Variants in KCNQ1 observed in about 807,000 individuals in gnomAD.
The protein encoded by KCNQ1 is potassium voltage-gated channel subfamily KQT member 1.
In KCNQ1, 49 loss-of-function variants were observed where a neutral mutation model predicts 72.4. The observed-to-expected ratio is 0.68, with a 90% CI of 0.54 to 0.86. KCNQ1 has a LOEUF of 0.86. KCNQ1 is among the 40% of genes least tolerant of loss of function. The pLI, the probability that KCNQ1 is intolerant of heterozygous loss-of-function variation, is 0.00. For synonymous variants in KCNQ1, 450 were observed against 412.6 expected, an observed-to-expected ratio of 1.09 and a Z score of -1.10; for missense variants, 790 against 945.1, an observed-to-expected ratio of 0.84 and a Z score of 2.15.
At chr11:2,594,823 T>C (rs10400286) in intron 10 of KCNQ1, among the ~76,000 whole-genome samples, 4,132 of 152,338 alleles carry the variant, frequency 0.027, 189 homozygotes, top group African/African-American at 0.091. Flanking sequence ...TTTTGTACCC[T>C]CTATCCTGTC....
intron 15 of KCNQ1, among the ~76,000 whole-genome samples, chr11:2,825,128 C>T (rs1479340721): frequency 1.3e-5 from 2 of 152,220 alleles, no homozygotes; most frequent in Admixed American, 6.5e-5. Flanking sequence ...GACAGGGTCA[C>T]GGTGGAAAGA....
At chr11:2,777,111 C>T (rs192106291) in intron 14 of KCNQ1, 79 bp downstream of exon 14, 25 of 1,419,770 alleles carry the variant, frequency 1.8e-5, no homozygotes, top group Middle Eastern at 1.7e-4. Context: ...TGGCTCTCCC[C>T]ATGATGTCAG....
chr11:2,797,182 C>T (rs921778727), intron 15 of KCNQ1, among the ~76,000 whole-genome samples: 2 of 152,114 alleles, frequency 1.3e-5, no homozygotes, highest in African/African-American at 4.8e-5. Flanking sequence ...GGGGGGGAGG[C>T]CCTGTGAAGA....
rs1850346601 is a variant in KCNQ1 at position 2,679,291 on chromosome 11, A to G, written c.1514+17210A>G. 1 of 398,532 alleles carries G rather than the reference A, an allele frequency of 2.5e-6. No individual in the cohort carries two copies. The highest frequency in any genetic ancestry group is 2.1e-5 in the African/African-American group (1 of 48,632). 24.7% of individuals were successfully genotyped at this position (398,532 alleles called of 1,614,324 possible). A position where few individuals can be genotyped will look rare whatever the true frequency, so the allele number is the denominator to read the frequency against. On this transcript the variant is annotated intron_variant, in intron 11 of 15. Transcript: ENST00000155840. The surrounding 1 kb of genome is among the most constrained non-coding windows in gnomAD (Gnocchi z 4.8). Reference sequence around the variant, plus strand: ...CCTTTACTAATCCATAGCCAAAGACAGGGGCTAATAACAGGGTCTGGAGTC... The same window carrying G: ...CCTTTACTAATCCATAGCCAAAGACGGGGGCTAATAACAGGGTCTGGAGTC...
In KCNQ1 at chr11:2,611,432, G is replaced by C; in HGVS notation, c.1393+22578G>C. 2 of 397,710 alleles carry C rather than the reference G, an allele frequency of 5.0e-6. No individual in the cohort carries two copies. Among genetic ancestry groups the C allele is most frequent in the Non-Finnish European group, 8.8e-6 (2 of 226,042 alleles). 24.6% of individuals were successfully genotyped at this position (397,710 alleles called of 1,614,324 possible). ...TCACCATGTTGACCAGGCTGGTCTTGAACTCCTGACCTCGAGTGATCTGTC... is the reference window on the plus strand; with the variant it reads ...TCACCATGTTGACCAGGCTGGTCTTCAACTCCTGACCTCGAGTGATCTGTC... On this transcript the variant is annotated intron_variant, in intron 10 of 15. Coordinates refer to ENST00000155840, the MANE Select transcript of KCNQ1 (RefSeq NM_000218.3). The surrounding 1 kb of genome is among the most constrained non-coding windows in gnomAD (Gnocchi z 5.3).
In KCNQ1 at chr11:2,813,745, G is replaced by A. The variant is rs958957793; in HGVS notation, c.1795-34022G>A. Among the ~76,000 whole-genome samples, 1 of 152,154 alleles carries A rather than the reference G, an allele frequency of 6.6e-6. No individual in the cohort carries two copies. The highest frequency in any genetic ancestry group is 2.4e-5 in the African/African-American group (1 of 41,446). ...TCTTGTTGCCGCAAGATACACAGGAGGCAGCTGCTCACTGCTTGTGGAAAG... is the reference window on the plus strand; with the variant it reads ...TCTTGTTGCCGCAAGATACACAGGAAGCAGCTGCTCACTGCTTGTGGAAAG... On this transcript the variant is annotated intron_variant, in intron 15 of 15. Coordinates refer to ENST00000155840, the MANE Select transcript of KCNQ1 (RefSeq NM_000218.3). This position sits in a 1 kb window ranked among gnomAD's most constrained non-coding sequence, Gnocchi z 4.4.
chr11:2,663,319 G>A lies in KCNQ1; in HGVS notation c.1514+1238G>A. ...GGGCCCCTCCTGGCTGGGTAAAAAGGCAGGAGCAGAGGTGTGAGCAGGCTG... is the reference window on the plus strand; with the variant it reads ...GGGCCCCTCCTGGCTGGGTAAAAAGACAGGAGCAGAGGTGTGAGCAGGCTG... On this transcript the variant is annotated intron_variant, in intron 11 of 15. Transcript: ENST00000155840. The surrounding 1 kb of genome is among the most constrained non-coding windows in gnomAD (Gnocchi z 5.2). 1 of 398,792 alleles carries A rather than the reference G, an allele frequency of 2.5e-6. No homozygotes were observed. The highest frequency in any genetic ancestry group is 4.4e-6 in the Non-Finnish European group (1 of 226,194). 24.7% of individuals were successfully genotyped at this position (398,792 alleles called of 1,614,324 possible). A position where few individuals can be genotyped will look rare whatever the true frequency, so the allele number is the denominator to read the frequency against.
rs1846520669 is a variant in KCNQ1, at chr11:2,767,499, C to T, written c.1515-1345C>T. ...CCACACCTTTAGATCTGTATGATCT[C>T]TCTTTTCCCTTGCCTTTTAGTCTTT... On this transcript the variant is annotated intron_variant, in intron 11 of 15. Coordinates refer to ENST00000155840, the MANE Select transcript of KCNQ1 (RefSeq NM_000218.3). The surrounding 1 kb of genome is among the most constrained non-coding windows in gnomAD (Gnocchi z 4.6). Among the ~76,000 whole-genome samples the T allele has an allele frequency of 6.6e-6, 1 of 152,202 alleles. No homozygotes were observed. Among genetic ancestry groups the T allele is most frequent in the Non-Finnish European group, 1.5e-5 (1 of 68,042 alleles).
chr11:2,622,688 TTGTC>T, intron 10 of KCNQ1: 1 of 398,660 alleles, frequency 2.5e-6, no homozygotes, highest in East Asian at 3.6e-5. Flanking sequence ...CTCTATTCGA[TTGTC>T]TGTATGTGTG....
chr11:2,774,941 C>T (rs1165588614), intron 12 of KCNQ1, among the ~76,000 whole-genome samples: 1 of 152,198 alleles, frequency 6.6e-6, no homozygotes, highest in African/African-American at 2.4e-5. Flanking sequence ...CCACCCCTCC[C>T]CACCAAGCCG....
At chr11:2,692,113 AT>A (rs763015067) in intron 11 of KCNQ1, 20 of 398,460 alleles carry the variant, frequency 5.0e-5, no homozygotes, top group Non-Finnish European at 8.4e-5. Context: ...AGCCTCCATC[AT>A]TTTATAGCCC....
At chr11:2,589,399 G>C (rs1385563501) in intron 10 of KCNQ1, among the ~76,000 whole-genome samples, 1 of 152,228 alleles carries the variant, frequency 6.6e-6, no homozygotes, top group African/African-American at 2.4e-5. Flanking sequence ...CCTGCAGCGG[G>C]GGCTGGGATG....
intron 6 of KCNQ1, among the ~76,000 whole-genome samples, chr11:2,582,148 G>A (rs1023966372): frequency 1.2e-4 from 19 of 152,316 alleles, no homozygotes; most frequent in Admixed American, 5.9e-4. Context: ...CAATGTGGCC[G>A]CTTCTGCTAC....
rs1395105650 is a variant in KCNQ1, at chr11:2,617,079, G to A, written c.1393+28225G>A. ...TCATCTCACAGTTATTCTTTTGTGT[G>A]TATGAGTGAGAAAAGCTATGATCTA... On this transcript the variant is annotated intron_variant, in intron 10 of 15. Coordinates refer to ENST00000155840, the MANE Select transcript of KCNQ1 (RefSeq NM_000218.3). The surrounding 1 kb of genome is among the most constrained non-coding windows in gnomAD (Gnocchi z 4.6). The A allele has an allele frequency of 1.5e-5, 6 of 397,936 alleles. No homozygotes were observed. Among genetic ancestry groups the A allele is most frequent in the Non-Finnish European group, 2.7e-5 (6 of 225,816 alleles). 24.7% of individuals were successfully genotyped at this position (397,936 alleles called of 1,614,324 possible).
chr11:2,679,311 G>C lies in KCNQ1; in HGVS notation c.1514+17230G>C. 2.5e-6 allele frequency: 1 copy of C among 398,580 alleles called. No individual in the cohort carries two copies. The highest frequency in any genetic ancestry group is 4.4e-6 in the Non-Finnish European group (1 of 226,050). The allele number at this position is 398,580 out of a possible 1,614,324, so 24.7% of individuals were successfully genotyped here. The stretch of plus-strand genomic sequence containing the variant: ...AAGACAGGGGCTAATAACAGGGTCT[G>C]GAGTCTGAACTCATATCCTAATTCC... On this transcript the variant is annotated intron_variant, in intron 11 of 15. Coordinates refer to ENST00000155840, the MANE Select transcript of KCNQ1 (RefSeq NM_000218.3). The surrounding 1 kb of genome is among the most constrained non-coding windows in gnomAD (Gnocchi z 4.8).
chr11:2,568,286 TAAA>T (rs1848275445), intron 2 of KCNQ1, among the ~76,000 whole-genome samples: 1 of 151,142 alleles, frequency 6.6e-6, no homozygotes, highest in Non-Finnish European at 1.5e-5. Context: ...AATAAATAAA[TAAA>T]TAAATAAATA....
intron 1 of KCNQ1, among the ~76,000 whole-genome samples, chr11:2,511,916 T>G (rs1458803638): frequency 6.6e-6 from 1 of 152,070 alleles, no homozygotes; most frequent in African/African-American, 2.4e-5. Flanking sequence ...TTTTCCCTGG[T>G]GGAGGGCACA....
At chr11:2,838,049 G>A (rs923540809) in intron 15 of KCNQ1, among the ~76,000 whole-genome samples, 7 of 152,254 alleles carry the variant, frequency 4.6e-5, no homozygotes, top group Non-Finnish European at 8.8e-5. Context: ...GACAGACTGA[G>A]GAAGCCAGCC....
At chr11:2,707,282 T>C (rs1850926742) in intron 11 of KCNQ1, among the ~76,000 whole-genome samples, 1 of 152,220 alleles carries the variant, frequency 6.6e-6, no homozygotes, top group Non-Finnish European at 1.5e-5. Flanking sequence ...AAGCAGGGAT[T>C]GCTTCTGCTG....
Sources: allele counts gnomAD v4.1 joint callset (sites outside exome capture counted in the v4.1 genomes callset), GRCh38; gene constraint gnomAD v4.1.1; non-coding constraint Gnocchi (gnomAD v3.1); transcripts MANE v1.5; gene names NCBI Gene and HGNC (gene_info 2026-07-23, HGNC 2026-07-21).